The following CDH18 variants were observed in gnomAD, a reference collection of about 807,000 sequenced individuals.
CDH18 encodes cadherin 18.
A neutral mutation model predicts 67.9 loss-of-function variants in CDH18; 31 were observed. That is an observed-to-expected ratio of 0.46 (90% CI 0.34 to 0.62). The LOEUF is 0.62. CDH18 is among the 20% of genes least tolerant of loss of function. The pLI is 0.01. For synonymous variants in CDH18, 362 were observed against 347.2 expected, an observed-to-expected ratio of 1.04 and a Z score of -0.48; for missense variants, 890 against 975.5, an observed-to-expected ratio of 0.91 and a Z score of 1.17.
chr5:19,512,592 G>C (rs1038919431), intron 10 of CDH18, among the ~76,000 whole-genome samples: 3 of 152,024 alleles, frequency 2.0e-5, no homozygotes, highest in African/African-American at 7.2e-5. Context: ...TGTGGTATGA[G>C]AACTCTAAAT....
At chr5:20,371,168 A>G (rs1742969918) in intron 1 of CDH18, among the ~76,000 whole-genome samples, 1 of 152,024 alleles carries the variant, frequency 6.6e-6, no homozygotes, top group Non-Finnish European at 1.5e-5. Flanking sequence ...TGAAAGGTAT[A>G]GAAGTGGTAT....
intron 8 of CDH18, among the ~76,000 whole-genome samples, chr5:19,552,789 C>G (rs1350017938): frequency 6.6e-6 from 1 of 152,106 alleles, no homozygotes; most frequent in Non-Finnish European, 1.5e-5. Context: ...TTCACACTGA[C>G]AGATAAATGG....
chr5:20,303,954 T>C (rs1736179650), intron 1 of CDH18: 1 of 734,058 alleles, frequency 1.4e-6, no homozygotes, highest in Non-Finnish European at 2.4e-6. Context: ...TGTAAGTTCT[T>C]AGAATGTCAA....
chr5:20,306,067 G>C (rs941509222), intron 1 of CDH18, among the ~76,000 whole-genome samples: 1 of 152,114 alleles, frequency 6.6e-6, no homozygotes, highest in African/African-American at 2.4e-5. Flanking sequence ...GAGACAGTGC[G>C]ATCAGAACTT....
chr5:20,037,485 A>T (rs1161291522), intron 2 of CDH18, among the ~76,000 whole-genome samples: 1 of 152,172 alleles, frequency 6.6e-6, no homozygotes, highest in East Asian at 1.9e-4. Flanking sequence ...AATGCAAAAG[A>T]ACAGAAATCA....
chr5:20,106,134 T>C (rs1014960236), intron 2 of CDH18, among the ~76,000 whole-genome samples: 7 of 152,012 alleles, frequency 4.6e-5, no homozygotes, highest in African/African-American at 1.7e-4. Context: ...AGGAGAGAGG[T>C]TGTGTCAACA....
intron 2 of CDH18, among the ~76,000 whole-genome samples, chr5:19,967,236 T>G (rs1423419154): frequency 6.6e-6 from 1 of 152,038 alleles, no homozygotes; most frequent in Non-Finnish European, 1.5e-5. Context: ...GATACATTAA[T>G]TACAAAAATG....
intron 9 of CDH18, 86 bp from the exon 10 acceptor site, chr5:19,520,864 T>C: frequency 7.1e-7 from 1 of 1,414,672 alleles, no homozygotes; most frequent in Non-Finnish European, 9.6e-7. Context: ...TACTGTAGCT[T>C]GTCACTGGTT....
chr5:19,702,005 T>A (rs1763311618), intron 5 of CDH18, among the ~76,000 whole-genome samples: 1 of 152,102 alleles, frequency 6.6e-6, no homozygotes, highest in African/African-American at 2.4e-5. Context: ...CCTAAGTGGC[T>A]AATATGGTCC....
chr5:19,970,824 G>A (rs925903900), intron 2 of CDH18, among the ~76,000 whole-genome samples: 8 of 150,752 alleles, frequency 5.3e-5, no homozygotes, highest in Admixed American at 1.3e-4. Context: ...AAATAATAAA[G>A]AAGATAGAAA....
At chr5:19,684,923 G>A (rs1427523608) in intron 5 of CDH18, among the ~76,000 whole-genome samples, 1 of 152,030 alleles carries the variant, frequency 6.6e-6, no homozygotes, top group African/African-American at 2.4e-5. Context: ...TAATATGGCT[G>A]TAAAAATTTT....
At chr5:20,543,173 G>C (rs1757148614) in intron 1 of CDH18, among the ~76,000 whole-genome samples, 1 of 151,966 alleles carries the variant, frequency 6.6e-6, no homozygotes, top group Non-Finnish European at 1.5e-5. Flanking sequence ...TTGATAAATA[G>C]ATGGTTAAAC....
intron 2 of CDH18, among the ~76,000 whole-genome samples, chr5:20,170,269 C>T (rs1228039364): frequency 6.6e-6 from 1 of 150,968 alleles, no homozygotes. Context: ...CAAGTGAGAA[C>T]ATGTGCTGTT....
chr5:20,504,644 T>C (rs1367617687), intron 1 of CDH18, among the ~76,000 whole-genome samples: 1 of 151,898 alleles, frequency 6.6e-6, no homozygotes, highest in Non-Finnish European at 1.5e-5. Context: ...CTTTAATAGA[T>C]GTAGAGATCA....
At chr5:19,598,976 T>A (rs879504645) in intron 6 of CDH18, among the ~76,000 whole-genome samples, 1 of 152,114 alleles carries the variant, frequency 6.6e-6, no homozygotes, top group African/African-American at 2.4e-5. Context: ...AATGAAAAAT[T>A]GGAATAGACA....
At chr5:19,575,790 C>G (rs1337577597) in intron 7 of CDH18, among the ~76,000 whole-genome samples, 2 of 152,170 alleles carry the variant, frequency 1.3e-5, no homozygotes, top group African/African-American at 4.8e-5. Flanking sequence ...CAGAACCACA[C>G]CCTCTCTGGG....
intron 6 of CDH18, among the ~76,000 whole-genome samples, chr5:19,600,932 A>G (rs1383055392): frequency 6.6e-6 from 1 of 152,210 alleles, no homozygotes; most frequent in Admixed American, 6.5e-5. Context: ...GAGTTTTTAT[A>G]AGTTTAGCTC....
intron 2 of CDH18, among the ~76,000 whole-genome samples, chr5:19,865,387 T>TA (rs145081884): frequency 2.6e-5 from 4 of 151,984 alleles, no homozygotes; most frequent in Non-Finnish European, 2.9e-5. Flanking sequence ...TTTTGTTACT[T>TA]AAAAAAAACC....
intron 2 of CDH18, among the ~76,000 whole-genome samples, chr5:19,866,515 T>C (rs924016059): frequency 5.5e-4 from 83 of 152,144 alleles, no homozygotes; most frequent in African/African-American, 2.0e-3. Flanking sequence ...AAAGACAAGA[T>C]GAAGAAAGCA....
Sources: allele counts gnomAD v4.1 joint callset (sites outside exome capture counted in the v4.1 genomes callset), GRCh38; gene constraint gnomAD v4.1.1; transcripts MANE v1.5; gene names NCBI Gene and HGNC (gene_info 2026-07-23, HGNC 2026-07-21).